FMNL2: variants seen among roughly 807,000 people sequenced by gnomAD.
FMNL2 encodes formin-like protein 2.
In FMNL2, 51 loss-of-function variants were observed where a neutral mutation model predicts 130.2. The ratio of observed to expected loss-of-function variants is 0.39; its 90% CI spans 0.31 to 0.49. The LOEUF is 0.49. Among genes scored for constraint, FMNL2 ranks in the 20% least tolerant of loss-of-function variants. FMNL2 has a pLI of 0.85. For synonymous variants in FMNL2, 465 were observed against 467.1 expected, an observed-to-expected ratio of 1.00 and a Z score of 0.06; for missense variants, 977 against 1,316.2, an observed-to-expected ratio of 0.74 and a Z score of 3.99.
intron 9 of FMNL2, among the ~76,000 whole-genome samples, chr2:152,604,388 C>T (rs980935121): frequency 2.0e-5 from 3 of 150,972 alleles, no homozygotes; most frequent in Non-Finnish European, 3.0e-5. Flanking sequence ...TAACATTCTT[C>T]GAAGAGCTTT....
chr2:152,620,145 A>G (rs1699179418), intron 15 of FMNL2, among the ~76,000 whole-genome samples: 2 of 152,038 alleles, frequency 1.3e-5, no homozygotes, highest in Non-Finnish European at 1.5e-5. Flanking sequence ...TTTTGATGTC[A>G]TCTATAAAAG....
At chr2:152,586,132 T>C (rs968980336) in intron 9 of FMNL2, among the ~76,000 whole-genome samples, 2 of 152,210 alleles carry the variant, frequency 1.3e-5, no homozygotes, top group Non-Finnish European at 2.9e-5. Context: ...GCTTCTGTAA[T>C]GACAGCATCT....
rs1163754599 is a variant in FMNL2, at chr2:152,647,885, G to A, written c.3259G>A (p.Gly1087Ser). The change falls in exon 26 of 26, where the codon GGT (glycine) becomes AGT (serine). Residue 1087 changes from glycine (G) to serine (S), a missense_variant. By Grantham distance (56) the Gly-to-Ser change is moderately conservative. Transcript: ENST00000288670. ...FDDQNLRSVN[G>S]AEITM Reference sequence around the variant, plus strand: ...TGATCAGAACTTGCGTTCTGTTAATGGTGCCGAAATAACAATGTGAACCTG... The same window carrying A: ...TGATCAGAACTTGCGTTCTGTTAATAGTGCCGAAATAACAATGTGAACCTG... 2.5e-6 allele frequency: 4 copies of A among 1,613,420 alleles called. No individual in the cohort carries two copies. Among genetic ancestry groups the A allele is most frequent in the East Asian group, 2.2e-5 (1 of 44,880 alleles).
intron 6 of FMNL2, among the ~76,000 whole-genome samples, chr2:152,561,464 G>A (rs1695518491): frequency 6.6e-6 from 1 of 152,036 alleles, no homozygotes; most frequent in Admixed American, 6.6e-5. Flanking sequence ...CTCAGGTTGT[G>A]TGCTGTGGGT....
intron 1 of FMNL2, among the ~76,000 whole-genome samples, chr2:152,361,632 T>G (rs1683186583): frequency 1.3e-5 from 2 of 152,210 alleles, no homozygotes; most frequent in Non-Finnish European, 2.9e-5. Flanking sequence ...GTTTTAGCTT[T>G]CTGATTAACA....
At chr2:152,492,948 A>C (rs1057486425) in intron 1 of FMNL2, among the ~76,000 whole-genome samples, 3 of 152,188 alleles carry the variant, frequency 2.0e-5, no homozygotes, top group Non-Finnish European at 4.4e-5. Context: ...TTTTCATGGA[A>C]ACCGTCAACA....
intron 1 of FMNL2, among the ~76,000 whole-genome samples, chr2:152,460,743 C>T (rs769607534): frequency 2.6e-4 from 40 of 152,090 alleles, no homozygotes; most frequent in South Asian, 1.7e-3. Context: ...GTGAACTGCA[C>T]GTGTGAGGGA....
At chr2:152,545,230 A>T (rs542722059) in intron 3 of FMNL2, among the ~76,000 whole-genome samples, 15 of 152,218 alleles carry the variant, frequency 9.9e-5, no homozygotes, top group Non-Finnish European at 1.9e-4. Context: ...CATGGCTTGC[A>T]GTTAAAATGA....
At chr2:152,556,573 G>A (rs978588670) in intron 4 of FMNL2, among the ~76,000 whole-genome samples, 1 of 152,138 alleles carries the variant, frequency 6.6e-6, no homozygotes, top group African/African-American at 2.4e-5. Context: ...AGCATGTTAA[G>A]CGAATTGTAA....
chr2:152,557,318 G>A (rs1312500571), intron 4 of FMNL2, among the ~76,000 whole-genome samples: 3 of 152,124 alleles, frequency 2.0e-5, no homozygotes, highest in Admixed American at 1.3e-4. Context: ...CTACCAGGTG[G>A]TATTTTCTTT....
At position 152,648,226 on chromosome 2, in the gene FMNL2, T is replaced by C; in HGVS notation, c.*321T>C. 4.2e-6 allele frequency: 1 copy of C among 240,068 alleles called. No individual in the cohort carries two copies. The highest frequency in any genetic ancestry group is 8.0e-6 in the Non-Finnish European group (1 of 124,376). The allele number at this position is 240,068 out of a possible 1,614,324, so 14.9% of individuals were successfully genotyped here. On this transcript the variant is annotated 3_prime_UTR_variant, in exon 26 of 26. Coordinates refer to ENST00000288670, the MANE Select transcript of FMNL2 (RefSeq NM_052905.4). ...ATTACCTGCCATTGTGATTGTCCCATCATGGCCCACCTGGTTTCCTGATGT... is the reference window on the plus strand; with the variant it reads ...ATTACCTGCCATTGTGATTGTCCCACCATGGCCCACCTGGTTTCCTGATGT...
At chr2:152,615,865 A>G (rs1698919286) in intron 12 of FMNL2, among the ~76,000 whole-genome samples, 1 of 152,160 alleles carries the variant, frequency 6.6e-6, no homozygotes, top group East Asian at 1.9e-4. Context: ...AGTGCTGCAT[A>G]TGCTCAGTTT....
rs74819021 is a variant in FMNL2 at position 152,442,912 on chromosome 2, T to G, written c.118-79031T>G. ...TAGGTCTGGGCTAGAGCCTGAGAAT[T>G]TGCATTTCTAACAAGTTCCCAGGTG... On this transcript the variant is annotated intron_variant, in intron 1 of 25. Coordinates refer to ENST00000288670, the MANE Select transcript of FMNL2 (RefSeq NM_052905.4). Among the ~76,000 whole-genome samples the G allele has an allele frequency of 5.2e-3, 790 of 152,278 alleles. 4 individuals carry two copies. The highest frequency in any genetic ancestry group is 7.0e-3 in the Admixed American group (107 of 15,292).
chr2:152,513,926 A>G (rs184779620), intron 1 of FMNL2, among the ~76,000 whole-genome samples: 22 of 152,332 alleles, frequency 1.4e-4, no homozygotes, highest in Admixed American at 3.3e-4. Flanking sequence ...TGTGCCAGGA[A>G]AGAAGCTGAA....
chr2:152,556,321 A>T (rs1301815980), intron 4 of FMNL2, among the ~76,000 whole-genome samples: 1 of 152,140 alleles, frequency 6.6e-6, no homozygotes, highest in African/African-American at 2.4e-5. Context: ...CCCAGGGAGG[A>T]TCTTGTAGCT....
At chr2:152,346,918 C>T (rs1437425342) in intron 1 of FMNL2, among the ~76,000 whole-genome samples, 3 of 151,510 alleles carry the variant, frequency 2.0e-5, no homozygotes, top group Non-Finnish European at 2.9e-5. Flanking sequence ...GGTGAAACCC[C>T]GTATCTACTA....
Position 152,625,480 on chromosome 2 carries a change from C to A in FMNL2, c.1880C>A (p.Pro627Gln), listed in dbSNP as rs764804196. 3.1e-6 allele frequency: 5 copies of A among 1,611,234 alleles called. No individual in the cohort carries two copies. The South Asian group carries it at 5.5e-5, about 18-fold the overall frequency. Residue 627 changes from proline to glutamine, a missense_variant, in exon 16 of 26, where the codon CCA (proline) becomes CAA (glutamine). By Grantham distance (76) the Pro-to-Gln change is moderately conservative (BLOSUM62 -1). Around this residue, in one of 4 missense-constraint regions of FMNL2, gnomAD observed 689 missense variants for 995.9 expected, o/e 0.69. Coordinates refer to ENST00000288670, the MANE Select transcript of FMNL2 (RefSeq NM_052905.4). ...KKPIKTKFRMPVFNWVALKPN... is the reference protein window; with the variant it reads ...KKPIKTKFRMQVFNWVALKPN... ...CCAATCAAGACGAAGTTCAGAATGC[C>A]AGTGTTTAACTGGGTTGCTCTGAAG...
At chr2:152,584,613 C>T (rs955502360) in intron 9 of FMNL2, among the ~76,000 whole-genome samples, 2 of 152,150 alleles carry the variant, frequency 1.3e-5, no homozygotes, top group Admixed American at 1.3e-4. Context: ...ATTTAAAAGG[C>T]CATGTATCTT....
chr2:152,465,231 C>A (rs1689464073), intron 1 of FMNL2, among the ~76,000 whole-genome samples: 1 of 152,246 alleles, frequency 6.6e-6, no homozygotes, highest in South Asian at 2.1e-4. Context: ...GGCAAGAACA[C>A]CCTGTGCGAA....
Sources: gnomAD v4.1 joint callset for allele counts (sites outside exome capture counted in the v4.1 genomes callset) on GRCh38, gnomAD v4.1.1 for gene constraint, gnomAD v4.1.1 regional missense constraint, MANE v1.5 for transcripts, NCBI Gene and HGNC (gene_info 2026-07-23, HGNC 2026-07-21) for gene names.